Variants in ZBTB4 observed in about 807,000 individuals in gnomAD.
ZBTB4 encodes the protein zinc finger and BTB domain containing 4, also known as zinc finger and BTB domain-containing protein 4.
A neutral mutation model predicts 59.8 loss-of-function variants in ZBTB4; 14 were observed. The ratio of observed to expected loss-of-function variants is 0.23; its 90% CI spans 0.15 to 0.37. The LOEUF (loss-of-function observed/expected upper bound fraction) is 0.37, where lower values mean the gene tolerates loss of function less well. ZBTB4 is among the 10% of genes least tolerant of loss of function. The pLI, the probability that ZBTB4 is intolerant of heterozygous loss-of-function variation, is 1.00. For missense variants in ZBTB4, 1,198 were observed against 1,380.8 expected, an observed-to-expected ratio of 0.87 and a Z score of 2.10; for synonymous variants, 587 against 575.2, an observed-to-expected ratio of 1.02 and a Z score of -0.29.
At position 7,462,878 on chromosome 17, in the gene ZBTB4, G is replaced by A; in HGVS notation, c.2104C>T (p.Leu702=). ...GRRPPRWRQK[L]ERRSWEETPA... is the part of the protein sequence containing the mutation. The stretch of plus-strand genomic sequence containing the variant: ...GTTTCCTCCCAGCTCCTCCGTTCCA[G>A]CTTCTGCCTCCAACGTGGTGGCCGG... The change falls in exon 4 of 4, where the codon CTG becomes TTG. Residue 702 remains leucine (L), a synonymous_variant. Coordinates refer to ENST00000380599, the MANE Select transcript of ZBTB4 (RefSeq NM_001128833.2). This position sits in a 1 kb window ranked among gnomAD's most constrained non-coding sequence, Gnocchi z 7.5. 1 of 1,607,062 alleles carries A rather than the reference G, an allele frequency of 6.2e-7. No homozygotes were observed. The highest frequency in any genetic ancestry group is 8.5e-7 in the Non-Finnish European group (1 of 1,179,870).
intron 1 of ZBTB4, among the ~76,000 whole-genome samples, chr17:7,477,161 C>T (rs915961421): frequency 2.0e-5 from 3 of 152,208 alleles, no homozygotes; most frequent in African/African-American, 4.8e-5. Context: ...TTATTATCAG[C>T]GAAGCCCCAA....
chr17:7,475,008 C>T (rs2070250221), intron 1 of ZBTB4, among the ~76,000 whole-genome samples: 3 of 47,202 alleles, frequency 6.4e-5, no homozygotes, highest in South Asian at 1.4e-3. Context: ...TGAGACTCTG[C>T]CTCAAAAAAA....
chr17:7,473,429 T>G (rs2070227287), intron 1 of ZBTB4, among the ~76,000 whole-genome samples: 1 of 151,906 alleles, frequency 6.6e-6, no homozygotes, highest in Non-Finnish European at 1.5e-5. Context: ...CCGGATAATT[T>G]TTGTATTTTT....
At chr17:7,465,197 G>A (rs1169118232) in intron 3 of ZBTB4, among the ~76,000 whole-genome samples, 5 of 148,354 alleles carry the variant, frequency 3.4e-5, no homozygotes, top group Admixed American at 1.4e-4. Context: ...GGTGGCTCAC[G>A]CCTGTAATCC....
chr17:7,461,857 G>T lies in ZBTB4; in HGVS notation c.*83C>A. ...CACAAGAGTGTGAAGGGGCTCCCAAGGGGCAGGGAGGCCAGGGAGCTGGTA... is the reference window on the plus strand; with the variant it reads ...CACAAGAGTGTGAAGGGGCTCCCAATGGGCAGGGAGGCCAGGGAGCTGGTA... On this transcript the variant is annotated 3_prime_UTR_variant, in exon 4 of 4. Transcript: ENST00000380599. 1 of 1,310,208 alleles carries T rather than the reference G, an allele frequency of 7.6e-7. No homozygotes were observed. Among genetic ancestry groups the T allele is most frequent in the Non-Finnish European group, 1.0e-6 (1 of 954,940 alleles). 81.2% of individuals were successfully genotyped at this position (1,310,208 alleles called of 1,614,324 possible).
intron 3 of ZBTB4, among the ~76,000 whole-genome samples, chr17:7,465,230 G>A (rs546211394): frequency 7.3e-5 from 11 of 151,540 alleles, no homozygotes; most frequent in African/African-American, 2.4e-4. Context: ...AGGCCAAGGC[G>A]GGCAGATCAC....
upstream of ZBTB4, among the ~76,000 whole-genome samples, chr17:7,480,599 G>A (rs1396443902): frequency 6.6e-6 from 1 of 151,922 alleles, no homozygotes; most frequent in Non-Finnish European, 1.5e-5. Flanking sequence ...GGGCGCCTGT[G>A]GTCCCAGCTA....
rs1567682868 is a variant in ZBTB4, at chr17:7,462,020, T to G, written c.2962A>C (p.Thr988Pro). The G allele has an allele frequency of 6.2e-7, 1 of 1,602,100 alleles. No homozygotes were observed. Among genetic ancestry groups the G allele is most frequent in the Admixed American group, 1.7e-5 (1 of 58,758 alleles). Residue 988 changes from threonine to proline, a missense_variant, in exon 4 of 4, where the codon ACT becomes CCT. Thr to Pro is a conservative substitution (Grantham distance 38). Coordinates refer to ENST00000380599, the MANE Select transcript of ZBTB4 (RefSeq NM_001128833.2). This position sits in a 1 kb window ranked among gnomAD's most constrained non-coding sequence, Gnocchi z 7.5. ...PPAPPTPPPP[T>P]LPPPIPPKGE... ...TTAGGGGGAATTGGTGGAGGAAGAG[T>G]TGGGGGAGGTGGTGTTGGTGGGGCA...
chr17:7,478,059 C>G (rs147564465), intron 1 of ZBTB4, among the ~76,000 whole-genome samples: 487 of 152,184 alleles, frequency 3.2e-3, no homozygotes, highest in Non-Finnish European at 4.9e-3. Flanking sequence ...AGCACACAGA[C>G]GGCAGGCACG....
chr17:7,463,848 A>G lies in ZBTB4; in HGVS notation c.1134T>C (p.Tyr378=). 6.2e-7 allele frequency: 1 copy of G among 1,614,054 alleles called. No individual in the cohort carries two copies. Among genetic ancestry groups the G allele is most frequent in the Non-Finnish European group, 8.5e-7 (1 of 1,179,986 alleles). The change falls in exon 4 of 4, where the codon TAT becomes TAC. Residue 378 remains tyrosine, a synonymous_variant. Coordinates refer to ENST00000380599, the MANE Select transcript of ZBTB4 (RefSeq NM_001128833.2). ...IFCWETFVTY[Y]NLKTHQRAFH... is the part of the protein sequence containing the mutation. ...AGGCTCGCTGGTGGGTCTTCAGGTT[A>G]TAGTAAGTGACAAAGGTCTCCCAAC...
upstream of ZBTB4, chr17:7,482,023 C>T (rs758689703): frequency 4.3e-6 from 7 of 1,610,912 alleles, no homozygotes; most frequent in South Asian, 7.7e-5. Flanking sequence ...CGCCTGACTC[C>T]ACACACCCAT....
At chr17:7,464,221 T>A (rs2070078411) in intron 3 of ZBTB4, among the ~76,000 whole-genome samples, 1 of 152,120 alleles carries the variant, frequency 6.6e-6, no homozygotes, top group Non-Finnish European at 1.5e-5. Flanking sequence ...GTGTAATGAC[T>A]CCCGGACATG....
At chr17:7,482,735 C>G (rs764936432), upstream of ZBTB4, 13 of 1,611,926 alleles carry the variant, frequency 8.1e-6, no homozygotes, top group Admixed American at 2.2e-4. Context: ...CAGTGATCTC[C>G]CGAGTTGGAG....
At chr17:7,471,721 C>A (rs377111885) in intron 1 of ZBTB4, among the ~76,000 whole-genome samples, 20 of 152,124 alleles carry the variant, frequency 1.3e-4, no homozygotes, top group African/African-American at 3.6e-4. Flanking sequence ...TTTGTCCATA[C>A]GGTGGGGACA....
In ZBTB4 at chr17:7,466,084, C is replaced by T. The variant is rs753648052; in HGVS notation, c.718G>A (p.Gly240Arg). 1 of 1,605,574 alleles carries T rather than the reference C, an allele frequency of 6.2e-7. No homozygotes were observed. Among genetic ancestry groups the T allele is most frequent in the Non-Finnish European group, 8.5e-7 (1 of 1,175,252 alleles). Residue 240 changes from glycine to arginine, a missense_variant, in exon 3 of 4, where the codon GGA becomes AGA. Coordinates refer to ENST00000380599, the MANE Select transcript of ZBTB4 (RefSeq NM_001128833.2). The surrounding 1 kb of genome is among the most constrained non-coding windows in gnomAD (Gnocchi z 9.1). ...PRRPLPCPQC[G>R]KSFIHPKRLQ... The stretch of plus-strand genomic sequence containing the variant: ...CGTTTGGGATGGATGAAGCTTTTTC[C>T]ACACTGGGGGCAGGGGAGGGGCCGC...
At chr17:7,464,396 C>T (rs1428804202) in intron 3 of ZBTB4, among the ~76,000 whole-genome samples, 17 of 148,262 alleles carry the variant, frequency 1.1e-4, no homozygotes, top group African/African-American at 4.0e-4. Context: ...ACTGCACTCC[C>T]GCCTGGGCGA....
intron 3 of ZBTB4, 27 bp from the exon 4 acceptor site, chr17:7,463,917 C>A: frequency 1.3e-6 from 2 of 1,591,208 alleles, no homozygotes; most frequent in South Asian, 1.1e-5. Flanking sequence ...GGGAATAGGG[C>A]AGGAACACAG....
At position 7,463,719 on chromosome 17, in the gene ZBTB4, C is replaced by T. The variant is rs2070071313; in HGVS notation, c.1263G>A (p.Arg421=). The T allele has an allele frequency of 6.2e-7, 1 of 1,613,870 alleles. No homozygotes were observed. The highest frequency in any genetic ancestry group is 1.3e-5 in the African/African-American group (1 of 74,938). The change falls in exon 4 of 4, where the codon CGG becomes CGA. Residue 421 remains arginine, a synonymous_variant. Transcript: ENST00000380599. ...TLKLYRLLPM[R]AAKRPYKTYS... is the part of the protein sequence containing the mutation. ...AGGTCTTGTAGGGCCGCTTGGCTGCCCGCATGGGGAGCAGGCGGTAGAGCT... is the reference window on the plus strand; with the variant it reads ...AGGTCTTGTAGGGCCGCTTGGCTGCTCGCATGGGGAGCAGGCGGTAGAGCT...
At chr17:7,467,441 T>G in intron 1 of ZBTB4, 114 bp from the exon 2 acceptor site, 1 of 187,172 alleles carries the variant, frequency 5.3e-6, no homozygotes, top group Non-Finnish European at 1.0e-5. Flanking sequence ...TGCAGTACTG[T>G]GGCCAGAGAG....
Sources: allele counts gnomAD v4.1 joint callset (sites outside exome capture counted in the v4.1 genomes callset), GRCh38; gene constraint gnomAD v4.1.1; non-coding constraint Gnocchi (gnomAD v3.1); transcripts MANE v1.5; gene names NCBI Gene and HGNC (gene_info 2026-07-23, HGNC 2026-07-21).